RAPH1: variants seen among roughly 807,000 people sequenced by gnomAD.
RAPH1 encodes ras-associated and pleckstrin homology domains-containing protein 1.
A neutral mutation model predicts 88.1 loss-of-function variants in RAPH1; 18 were observed. The ratio of observed to expected loss-of-function variants is 0.20; its 90% CI spans 0.14 to 0.30. The LOEUF is 0.30. Ranked by LOEUF, RAPH1 falls within the 10% of genes least tolerant of loss-of-function variation. The pLI is 1.00. For synonymous variants in RAPH1, 587 were observed against 559.0 expected, an observed-to-expected ratio of 1.05 and a Z score of -0.71; for missense variants, 1,448 against 1,543.2, an observed-to-expected ratio of 0.94 and a Z score of 1.03.
At chr2:203,471,816 TA>T (rs1187672209) in intron 4 of RAPH1, among the ~76,000 whole-genome samples, 66 of 85,634 alleles carry the variant, frequency 7.7e-4, no homozygotes, top group South Asian at 8.1e-4. Flanking sequence ...ACCCATTCTT[TA>T]AAAAAAAAAA....
At position 203,440,746 on chromosome 2, in the gene RAPH1, T is replaced by G. The variant is rs2098502920; in HGVS notation, c.2444A>C (p.Lys815Thr). The change falls in exon 14 of 14, where the codon AAG (lysine) becomes ACG (threonine). Residue 815 changes from lysine (K) to threonine (T), a missense_variant. Lys to Thr is a moderately conservative substitution (Grantham distance 78). Around this residue, in one of 2 missense-constraint regions of RAPH1, gnomAD observed 935 missense variants for 890.1 expected, o/e 1.05. Coordinates refer to ENST00000319170, the MANE Select transcript of RAPH1 (RefSeq NM_213589.3). ...GTAAGAAGCAGGGAAAGCTGGCTGC[T>G]TTTTTGCTGGGGGCACTGGAGGAGT... ...TPTPPVPPAKKQPAFPASYIP... is the reference protein window; with the variant it reads ...TPTPPVPPAKTQPAFPASYIP... 2 of 1,610,342 alleles carry G rather than the reference T, an allele frequency of 1.2e-6. No homozygotes were observed. Among genetic ancestry groups the G allele is most frequent in the Non-Finnish European group, 1.7e-6 (2 of 1,178,372 alleles).
In RAPH1 at chr2:203,440,307, A is replaced by C. The variant is rs767842558; in HGVS notation, c.2883T>G (p.Ser961Arg). 6.2e-7 allele frequency: 1 copy of C among 1,612,954 alleles called. No individual in the cohort carries two copies. Among genetic ancestry groups the C allele is most frequent in the Non-Finnish European group, 8.5e-7 (1 of 1,179,638 alleles). ...TCTTTCCCCCAGGGCTGGACGTCTT[A>C]CTGGTCTTTTTGCCTGGAGATCCAC... ...DKSGSPGKKTSKTSSPGGKKP... is the reference protein window; with the variant it reads ...DKSGSPGKKTRKTSSPGGKKP... The change falls in exon 14 of 14, where the codon AGT (serine) becomes AGG (arginine). Residue 961 changes from serine (S) to arginine (R), a missense_variant. Ser to Arg is a moderately radical substitution (Grantham distance 110, BLOSUM62 -1). Around this residue, in one of 2 missense-constraint regions of RAPH1, gnomAD observed 935 missense variants for 890.1 expected, o/e 1.05. Coordinates refer to ENST00000319170, the MANE Select transcript of RAPH1 (RefSeq NM_213589.3).
At chr2:203,505,749 G>A (rs1688959267) in intron 1 of RAPH1, among the ~76,000 whole-genome samples, 2 of 152,148 alleles carry the variant, frequency 1.3e-5, no homozygotes, top group African/African-American at 4.8e-5. Flanking sequence ...CAAGAGCTGT[G>A]AGACAGTAAA....
At chr2:203,504,471 C>T (rs550043482) in intron 1 of RAPH1, among the ~76,000 whole-genome samples, 1 of 152,282 alleles carries the variant, frequency 6.6e-6, no homozygotes, top group African/African-American at 2.4e-5. Flanking sequence ...GCACCAAGTC[C>T]CTAGGCTGCA....
intron 10 of RAPH1, among the ~76,000 whole-genome samples, chr2:203,453,684 C>CA (rs1263073671): frequency 6.6e-6 from 1 of 150,842 alleles, no homozygotes; most frequent in African/African-American, 2.4e-5. Context: ...TGACAATTCT[C>CA]AGAGAAAAGT....
chr2:203,470,191 C>A, intron 4 of RAPH1: 2 of 1,208,606 alleles, frequency 1.7e-6, no homozygotes, highest in Non-Finnish European at 2.4e-6. Flanking sequence ...AAATCATATT[C>A]TACCTACAAG....
intron 1 of RAPH1, among the ~76,000 whole-genome samples, chr2:203,510,190 T>C (rs1689272751): frequency 1.3e-5 from 2 of 151,914 alleles, no homozygotes; most frequent in Non-Finnish European, 2.9e-5. Context: ...AAAAGATACA[T>C]TTAATACTGT....
chr2:203,531,606 G>A (rs1690393595), intron 1 of RAPH1, among the ~76,000 whole-genome samples: 1 of 152,064 alleles, frequency 6.6e-6, no homozygotes, highest in Non-Finnish European at 1.5e-5. Context: ...TATACAAATG[G>A]ACAATAAGCA....
chr2:203,520,932 TCTAA>T (rs1345748096), intron 1 of RAPH1, among the ~76,000 whole-genome samples: 2 of 152,120 alleles, frequency 1.3e-5, no homozygotes, highest in African/African-American at 4.8e-5. Context: ...ATCCTAACTA[TCTAA>T]CTGTCCCCCA....
chr2:203,506,898 A>ATAT lies in RAPH1; in HGVS notation c.1-11546_1-11545insATA, dbSNP rs1304485255. Reference sequence around the variant, plus strand: ...TATATATAGATATATATATATATATATTTTTTTTTTTTTTGAGATGAACTT... The same window carrying ATAT: ...TATATATAGATATATATATATATATATATTTTTTTTTTTTTTTGAGATGAACTT... On this transcript the variant is annotated intron_variant, in intron 1 of 13. Coordinates refer to ENST00000319170, the MANE Select transcript of RAPH1 (RefSeq NM_213589.3). Among the ~76,000 whole-genome samples, 11 of 87,870 alleles carry ATAT rather than the reference A, an allele frequency of 1.3e-4. 1 individual carries two copies. The highest frequency in any genetic ancestry group is 3.0e-4 in the South Asian group (1 of 3,352). The allele number at this position is 87,870 out of a possible 152,430, so 57.6% of individuals were successfully genotyped here. A position where few individuals can be genotyped will look rare whatever the true frequency, so the allele number is the denominator to read the frequency against.
chr2:203,492,770 CTA>C (rs1688325971), intron 2 of RAPH1, among the ~76,000 whole-genome samples: 1 of 113,876 alleles, frequency 8.8e-6, no homozygotes, highest in Non-Finnish European at 1.9e-5. Context: ...GTTTATAATG[CTA>C]TCTTTTTTTT....
chr2:203,440,897 G>A lies in RAPH1; in HGVS notation c.2293C>T (p.Pro765Ser). ...ITQVAPPTPP[P>S]PPPIPAPLPP... ...AGGGGTGCAGGGATAGGAGGAGGTG[G>A]GGGGGGTGTTGGGGGAGCCACCTGA... The change falls in exon 14 of 14, where the codon CCA becomes TCA. Residue 765 changes from proline to serine, a missense_variant. Coordinates refer to ENST00000319170, the MANE Select transcript of RAPH1 (RefSeq NM_213589.3). 2 of 1,495,182 alleles carry A rather than the reference G, an allele frequency of 1.3e-6. No individual in the cohort carries two copies. Among genetic ancestry groups the A allele is most frequent in the South Asian group, 1.3e-5 (1 of 79,344 alleles). The allele number at this position is 1,495,182 out of a possible 1,614,324, so 92.6% of individuals were successfully genotyped here. A position where few individuals can be genotyped will look rare whatever the true frequency, so the allele number is the denominator to read the frequency against.
At chr2:203,527,769 C>CAGG (rs1422043182) in intron 1 of RAPH1, among the ~76,000 whole-genome samples, 2 of 139,096 alleles carry the variant, frequency 1.4e-5, no homozygotes, top group Non-Finnish European at 3.0e-5. Context: ...CATTGCACTC[C>CAGG]AGCCTGGGCA....
intron 8 of RAPH1, among the ~76,000 whole-genome samples, chr2:203,457,286 C>G (rs1427936170): frequency 6.6e-6 from 1 of 151,998 alleles, no homozygotes; most frequent in Non-Finnish European, 1.5e-5. Context: ...ATCCCGGGTT[C>G]AAGCAATTCC....
At position 203,440,392 on chromosome 2, in the gene RAPH1, G is replaced by A. The variant is rs2098502435; in HGVS notation, c.2798C>T (p.Ser933Leu). ...SSLVFPPPPPSPVPAPPPPPP... is the reference protein window; with the variant it reads ...SSLVFPPPPPLPVPAPPPPPP... ...TGGTGGTGGTGGGGCTGGGACAGGTGATGGGGGTGGAGGAGGAAACACCAG... is the reference window on the plus strand; with the variant it reads ...TGGTGGTGGTGGGGCTGGGACAGGTAATGGGGGTGGAGGAGGAAACACCAG... Residue 933 changes from serine (S) to leucine (L), a missense_variant, in exon 14 of 14, where the codon TCA becomes TTA. Ser to Leu is a moderately radical substitution (Grantham distance 145). Transcript: ENST00000319170. 1 of 1,571,464 alleles carries A rather than the reference G, an allele frequency of 6.4e-7. No individual in the cohort carries two copies. The highest frequency in any genetic ancestry group is 8.7e-7 in the Non-Finnish European group (1 of 1,155,724).
At position 203,450,175 on chromosome 2, in the gene RAPH1, G is replaced by A. The variant is rs117474766; in HGVS notation, c.1414-1339C>T. 5.1e-4 allele frequency among the ~76,000 whole-genome samples: 78 copies of A among 151,946 alleles called. 1 individual carries two copies. In the East Asian group the frequency reaches 0.012, roughly 23 times the overall value. The stretch of plus-strand genomic sequence containing the variant: ...GTTTTCAATCCATCAAGAATAGATG[G>A]CCACCAACATAAGTTATGTATCTGC... On this transcript the variant is annotated intron_variant, in intron 10 of 13. Coordinates refer to ENST00000319170, the MANE Select transcript of RAPH1 (RefSeq NM_213589.3).
In RAPH1 at chr2:203,439,942, G is replaced by A. The variant is rs147377485; in HGVS notation, c.3248C>T (p.Pro1083Leu). 3.1e-5 allele frequency: 50 copies of A among 1,613,920 alleles called. No homozygotes were observed. The African/African-American group carries it at 4.7e-4, about 15-fold the overall frequency. Residue 1083 changes from proline to leucine, a missense_variant, in exon 14 of 14, where the codon CCT (proline) becomes CTT (leucine). Around this residue, in one of 2 missense-constraint regions of RAPH1, gnomAD observed 935 missense variants for 890.1 expected, o/e 1.05. Coordinates refer to ENST00000319170, the MANE Select transcript of RAPH1 (RefSeq NM_213589.3). ...FPPPPPETEL[P>L]LPPIEIPAVF... The stretch of plus-strand genomic sequence containing the variant: ...TGCTGGAATCTCAATGGGGGGCAGA[G>A]GAAGCTCTGTTTCAGGTGGAGGGGG...
chr2:203,530,716 A>T (rs962585857), intron 1 of RAPH1, among the ~76,000 whole-genome samples: 2 of 151,990 alleles, frequency 1.3e-5, no homozygotes, highest in African/African-American at 2.4e-5. Flanking sequence ...ACATGATGAA[A>T]CTCTGTCTCT....
intron 1 of RAPH1, among the ~76,000 whole-genome samples, chr2:203,503,582 G>A (rs1031992825): frequency 6.6e-6 from 1 of 152,064 alleles, no homozygotes; most frequent in African/African-American, 2.4e-5. Flanking sequence ...GATTTGGGTG[G>A]GGACACAGCC....
Sources: gnomAD v4.1 joint callset for allele counts (sites outside exome capture counted in the v4.1 genomes callset) on GRCh38, gnomAD v4.1.1 for gene constraint, gnomAD v4.1.1 regional missense constraint, MANE v1.5 for transcripts, NCBI Gene and HGNC (gene_info 2026-07-23, HGNC 2026-07-21) for gene names.